MYOM3: variants seen among roughly 807,000 people sequenced by gnomAD.
MYOM3 encodes the protein myomesin-3.
In MYOM3, 155 loss-of-function variants were observed where a neutral mutation model predicts 191.7. The ratio of observed to expected loss-of-function variants is 0.81; its 90% confidence interval spans 0.71 to 0.92. The LOEUF is 0.92. Ranked by LOEUF, MYOM3 falls within the 40% of genes least tolerant of loss-of-function variation. The pLI is 0.00. For synonymous variants in MYOM3, 757 were observed against 762.9 expected (o/e 0.99, Z 0.13); for missense variants, 1,889 against 1,890.6 (o/e 1.00, Z 0.02).
chr1:24,082,536 C>T, intron 17 of MYOM3, 57 bp downstream of exon 17: 1 of 1,512,098 alleles, frequency 6.6e-7, no homozygotes, highest in South Asian at 1.3e-5. Flanking sequence ...ATCTATGAGC[C>T]CCAGCTCCCT....
At chr1:24,100,472 C>T (rs1643904123) in intron 5 of MYOM3, among the ~76,000 whole-genome samples, 1 of 152,220 alleles carries the variant, frequency 6.6e-6, no homozygotes, top group Admixed American at 6.5e-5. Context: ...CAGCTTTTCC[C>T]TTCCCTCCGA....
intron 7 of MYOM3, among the ~76,000 whole-genome samples, chr1:24,097,068 C>T (rs1312605347): frequency 6.6e-6 from 1 of 152,234 alleles, no homozygotes; most frequent in Non-Finnish European, 1.5e-5. Flanking sequence ...TGAGTGTCTA[C>T]CTGCTTTATG....
At chr1:24,096,218 G>A (rs1170220664) in intron 7 of MYOM3, among the ~76,000 whole-genome samples, 1 of 152,238 alleles carries the variant, frequency 6.6e-6, no homozygotes, top group Non-Finnish European at 1.5e-5. Context: ...GATCACACAG[G>A]TCAGTGGAAG....
At chr1:24,098,288 T>C (rs1643889154) in intron 6 of MYOM3, among the ~76,000 whole-genome samples, 1 of 152,258 alleles carries the variant, frequency 6.6e-6, no homozygotes, top group Non-Finnish European at 1.5e-5. Context: ...CAGTTATTGC[T>C]GACTGTGGAG....
chr1:24,098,116 G>A (rs976193857), intron 6 of MYOM3, 105 bp from the exon 7 acceptor site: 34 of 775,166 alleles, frequency 4.4e-5, no homozygotes, highest in East Asian at 7.4e-5. Context: ...AAAGCCTCAC[G>A]GTGCCAGGAA....
chr1:24,083,317 A>G (rs976462393), intron 16 of MYOM3: 1 of 152,184 alleles, frequency 6.6e-6, no homozygotes, highest in East Asian at 1.9e-4. Flanking sequence ...TCCATGTTGG[A>G]TGCTTCCTGA....
At chr1:24,102,920 G>A (rs1211209077) in intron 5 of MYOM3, among the ~76,000 whole-genome samples, 2 of 152,160 alleles carry the variant, frequency 1.3e-5, no homozygotes, top group South Asian at 2.1e-4. Context: ...CCAGCCCTGG[G>A]GCTGGACGGA....
At position 24,075,440 on chromosome 1, in the gene MYOM3, C is replaced by T. The variant is rs1490551123; in HGVS notation, c.2737G>A (p.Gly913Ser). ...GCTTCAAAAGCCAAATAGATAAAGC[C>T]CTCTTCATCCACACCAACCTCGATC... ...HEIEVGVDEE[G>S]FIYLAFEAPE... The change falls in exon 22 of 37, where the codon GGC becomes AGC. Residue 913 changes from glycine (G) to serine (S), a missense_variant. Gly to Ser is a moderately conservative substitution (Grantham distance 56). Coordinates refer to ENST00000374434, the MANE Select transcript of MYOM3 (RefSeq NM_152372.4). 6.3e-7 allele frequency: 1 copy of T among 1,599,720 alleles called. No individual in the cohort carries two copies. The highest frequency in any genetic ancestry group is 8.5e-7 in the Non-Finnish European group (1 of 1,174,954).
In MYOM3 at chr1:24,064,144, TG is replaced by T. The variant is rs777168158; in HGVS notation, c.3549del (p.Asp1183GlufsTer45). ...LLCIEELSKK[D>X]KGIYRAMVSD... is the part of the protein sequence containing the mutation. The stretch of plus-strand genomic sequence containing the variant: ...GAAACCATCGCTCTGTAAATTCCCT[TG>T]TCCTTTTTGGACAACTGGAAAGAAG... On this transcript the variant is annotated frameshift_variant, in exon 30 of 37. Coordinates refer to ENST00000374434, the MANE Select transcript of MYOM3 (RefSeq NM_152372.4). LOFTEE classifies it high-confidence loss of function. 1 of 1,613,800 alleles carries T rather than the reference TG, an allele frequency of 6.2e-7. No homozygotes were observed. The highest frequency in any genetic ancestry group is 1.1e-5 in the South Asian group (1 of 91,072).
chr1:24,103,290 C>T (rs554024791), intron 5 of MYOM3, among the ~76,000 whole-genome samples: 7 of 152,310 alleles, frequency 4.6e-5, no homozygotes, highest in Admixed American at 2.6e-4. Context: ...GTGCGGGGAT[C>T]GCCCAGTCCC....
chr1:24,089,239 G>T (rs895751446), intron 14 of MYOM3, among the ~76,000 whole-genome samples: 4 of 152,202 alleles, frequency 2.6e-5, no homozygotes, highest in Non-Finnish European at 5.9e-5. Context: ...TGGCTTGGGG[G>T]CAGGGAGGTA....
chr1:24,074,883 G>C (rs977683816), intron 22 of MYOM3, among the ~76,000 whole-genome samples: 8 of 152,132 alleles, frequency 5.3e-5, no homozygotes, highest in Non-Finnish European at 7.3e-5. Context: ...TCAGGAGTTA[G>C]AGACAAGCCT....
rs772131117 is a variant in MYOM3, at chr1:24,105,904, T to C, written c.560+16A>G. On this transcript the variant is annotated intron_variant, in intron 5 of 36. Coordinates refer to ENST00000374434, the MANE Select transcript of MYOM3 (RefSeq NM_152372.4). ...ACCCCAGAGGCCCAGAACCCCTTCCTGCCCCAGCGGCTTACCAGGTGACCT... is the reference window on the plus strand; with the variant it reads ...ACCCCAGAGGCCCAGAACCCCTTCCCGCCCCAGCGGCTTACCAGGTGACCT... 2 of 1,591,616 alleles carry C rather than the reference T, an allele frequency of 1.3e-6. No homozygotes were observed. The highest frequency in any genetic ancestry group is 2.3e-5 in the South Asian group (2 of 87,624).
rs1029574828 is a variant in MYOM3, at chr1:24,092,311, G to A, written c.1095C>T (p.Ala365=). The change falls in exon 11 of 37, where the codon GCC becomes GCT. Residue 365 remains alanine (A), a synonymous_variant. Coordinates refer to ENST00000374434, the MANE Select transcript of MYOM3 (RefSeq NM_152372.4). ...CTGGGGCCCCGGGGTTCTCGGCCTCGGCATCTGAAACCCGGGGGTGAGAGG... is the reference window on the plus strand; with the variant it reads ...CTGGGGCCCCGGGGTTCTCGGCCTCAGCATCTGAAACCCGGGGGTGAGAGG... The part of the protein sequence containing the change: ...EQSTYVLVRD[A]EAENPGAPGS... The A allele has an allele frequency of 3.3e-5, 44 of 1,352,844 alleles. No homozygotes were observed. Among genetic ancestry groups the A allele is most frequent in the Admixed American group, 5.9e-5 (2 of 34,122 alleles). 83.8% of individuals were successfully genotyped at this position (1,352,844 alleles called of 1,614,324 possible).
chr1:24,092,432 C>G, intron 10 of MYOM3, 117 bp from the exon 11 acceptor site: 1 of 908,008 alleles, frequency 1.1e-6, no homozygotes, highest in Non-Finnish European at 1.5e-6. Flanking sequence ...CAGTTTTGAT[C>G]TTGAGGACTG....
rs113216719 is a variant in MYOM3, at chr1:24,098,544, A to G, written c.657-533T>C. Among the ~76,000 whole-genome samples, 723 of 152,348 alleles carry G rather than the reference A, an allele frequency of 4.7e-3. 8 individuals are homozygous for G. The highest frequency in any genetic ancestry group is 0.015 in the African/African-American group (614 of 41,584). On this transcript the variant is annotated intron_variant, in intron 6 of 36. Transcript: ENST00000374434. ...CCCAGTGGAAGCCTGGGCCAGCTCCATCCCAGGGGCACCCTGGTGACAGAG... is the reference window on the plus strand; with the variant it reads ...CCCAGTGGAAGCCTGGGCCAGCTCCGTCCCAGGGGCACCCTGGTGACAGAG...
At chr1:24,062,424 G>T (rs1643382665) in intron 32 of MYOM3, among the ~76,000 whole-genome samples, 1 of 152,148 alleles carries the variant, frequency 6.6e-6, no homozygotes, top group African/African-American at 2.4e-5. Context: ...GGAACCTATT[G>T]TCCTGAAATT....
chr1:24,069,641 A>G (rs1643498939), intron 25 of MYOM3, among the ~76,000 whole-genome samples: 1 of 133,914 alleles, frequency 7.5e-6, no homozygotes, highest in Admixed American at 8.4e-5. Flanking sequence ...ACAGAGTCTC[A>G]CTTTATTGCC....
chr1:24,067,291 T>C (rs943577599), intron 27 of MYOM3, among the ~76,000 whole-genome samples: 4 of 134,436 alleles, frequency 3.0e-5, no homozygotes, highest in African/African-American at 1.2e-4. Flanking sequence ...TTCCTTTCTT[T>C]CTTTCTTTCT....
Sources: gnomAD v4.1 joint callset for allele counts (sites outside exome capture counted in the v4.1 genomes callset) on GRCh38, gnomAD v4.1.1 for gene constraint, MANE v1.5 for transcripts, NCBI Gene and HGNC (gene_info 2026-07-23, HGNC 2026-07-21) for gene names.